LTBP1: variants seen among roughly 807,000 people sequenced by gnomAD.
LTBP1 encodes the protein latent transforming growth factor beta binding protein 1.
In LTBP1, 129 loss-of-function variants were observed where a neutral mutation model predicts 207.6. The observed-to-expected ratio is 0.62, with a 90% CI of 0.54 to 0.72. The LOEUF (loss-of-function observed/expected upper bound fraction) is 0.72. Ranked by LOEUF, LTBP1 falls within the 30% of genes least tolerant of loss-of-function variation. The probability of loss-of-function intolerance (pLI) is 0.00; values close to 1 mark genes in which losing one functional copy is unlikely to be tolerated. For missense variants in LTBP1, 2,281 were observed against 2,217.2 expected, an observed-to-expected ratio of 1.03 and a Z score of -0.58; for synonymous variants, 963 against 833.7, an observed-to-expected ratio of 1.16 and a Z score of -2.67.
At chr2:33,055,848 G>A (rs2076969381) in intron 3 of LTBP1, among the ~76,000 whole-genome samples, 2 of 152,172 alleles carry the variant, frequency 1.3e-5, no homozygotes, top group South Asian at 2.1e-4. Context: ...CATAGCCCGT[G>A]GGTTTTTGTG....
At chr2:33,311,535 G>GA (rs11450471) in intron 23 of LTBP1, among the ~76,000 whole-genome samples, 71,656 of 138,212 alleles carry the variant, frequency 0.52, 18,472 homozygotes, top group East Asian at 0.83. Context: ...CCAAGAGATG[G>GA]AAAAAAAAAA....
At chr2:33,224,102 A>T (rs528078929) in intron 9 of LTBP1, among the ~76,000 whole-genome samples, 1 of 152,160 alleles carries the variant, frequency 6.6e-6, no homozygotes, top group Non-Finnish European at 1.5e-5. Context: ...TGGGCCATCT[A>T]ACCTTATATG....
intron 5 of LTBP1, among the ~76,000 whole-genome samples, chr2:33,142,218 AT>A (rs1261351183): frequency 6.1e-5 from 9 of 148,448 alleles, no homozygotes; most frequent in East Asian, 4.0e-4. Context: ...CGCCCGGCTA[AT>A]TTTTTTTTTG....
At chr2:33,020,760 G>A (rs966924956) in intron 2 of LTBP1, 149 bp from the exon 3 acceptor site, 34 of 685,034 alleles carry the variant, frequency 5.0e-5, no homozygotes, top group South Asian at 1.3e-4. Flanking sequence ...CCCCTCCTCC[G>A]CCCAACTGCC....
chr2:33,243,954 TC>T (rs1316564641), intron 10 of LTBP1, among the ~76,000 whole-genome samples, 170 bp downstream of exon 10: 1 of 152,158 alleles, frequency 6.6e-6, no homozygotes. Flanking sequence ...TAAATTGATA[TC>T]ATGGAACCTT....
At chr2:33,111,880 A>G (rs142078224) in intron 4 of LTBP1, among the ~76,000 whole-genome samples, 8 of 152,262 alleles carry the variant, frequency 5.3e-5, no homozygotes, top group African/African-American at 1.4e-4. Context: ...ATTAGGAAAA[A>G]ATCACTTCCA....
intron 7 of LTBP1, among the ~76,000 whole-genome samples, chr2:33,195,698 T>C (rs888016107): frequency 2.6e-5 from 4 of 152,202 alleles, no homozygotes; most frequent in African/African-American, 9.7e-5. Context: ...ATAAATTTAA[T>C]TGATAAAGCA....
chr2:33,024,713 A>G (rs192797376), intron 3 of LTBP1, among the ~76,000 whole-genome samples: 1 of 152,202 alleles, frequency 6.6e-6, no homozygotes, highest in African/African-American at 2.4e-5. Context: ...TTGGATTCAG[A>G]TACATACAAC....
intron 31 of LTBP1, among the ~76,000 whole-genome samples, chr2:33,369,035 TA>T (rs1388886161): frequency 6.6e-6 from 1 of 152,182 alleles, no homozygotes; most frequent in Non-Finnish European, 1.5e-5. Flanking sequence ...ATATTTATTC[TA>T]AAAATATGGA....
intron 24 of LTBP1, among the ~76,000 whole-genome samples, chr2:33,322,097 A>G (rs990461915): frequency 2.0e-5 from 3 of 151,376 alleles, no homozygotes; most frequent in African/African-American, 2.4e-5. Flanking sequence ...AAAGAAATTC[A>G]TAATAGTAGC....
chr2:33,260,657 C>T (rs2092986069), intron 13 of LTBP1, among the ~76,000 whole-genome samples: 2 of 152,044 alleles, frequency 1.3e-5, no homozygotes, highest in African/African-American at 4.8e-5. Context: ...TATTTTGAGA[C>T]CAAAAAATGT....
chr2:33,179,762 G>T (rs958584341), intron 5 of LTBP1, among the ~76,000 whole-genome samples: 18 of 152,146 alleles, frequency 1.2e-4, no homozygotes, highest in Admixed American at 1.0e-3. Context: ...TCCAATAGAA[G>T]ATCCTGTAGC....
chr2:33,363,247 A>AGGTT, intron 28 of LTBP1, 143 bp from the exon 29 acceptor site: 1 of 738,486 alleles, frequency 1.4e-6, no homozygotes. Context: ...TATTTTAAGA[A>AGGTT]GGTTATATTG....
At chr2:33,053,318 T>C (rs569833889) in intron 3 of LTBP1, among the ~76,000 whole-genome samples, 2 of 152,298 alleles carry the variant, frequency 1.3e-5, no homozygotes, top group East Asian at 3.9e-4. Context: ...ACCAGAGTGG[T>C]ACATTTGCTA....
chr2:33,133,043 G>A (rs949995131), intron 4 of LTBP1, among the ~76,000 whole-genome samples: 3 of 152,086 alleles, frequency 2.0e-5, no homozygotes, highest in African/African-American at 7.2e-5. Context: ...TGAGCTGCCC[G>A]TCACTAGAGA....
rs186875281 is a variant in LTBP1, at chr2:33,087,302, A to G, written c.864-23280A>G. 7.2e-5 allele frequency among the ~76,000 whole-genome samples: 11 copies of G among 152,054 alleles called. No individual in the cohort carries two copies. In the East Asian group the frequency reaches 2.1e-3, roughly 29 times the overall value. ...AGGCTAATCTTGAACTCCTGGCCTC[A>G]AGGAATTCTTCTGCCTCCACCTCCC... On this transcript the variant is annotated intron_variant, in intron 3 of 33. Coordinates refer to ENST00000404816, the MANE Select transcript of LTBP1 (RefSeq NM_206943.4).
intron 24 of LTBP1, among the ~76,000 whole-genome samples, chr2:33,330,399 A>G (rs942765024): frequency 6.6e-6 from 1 of 151,886 alleles, no homozygotes; most frequent in Non-Finnish European, 1.5e-5. Context: ...CTCTACTGCA[A>G]TGTTGACTAG....
In LTBP1 at chr2:33,254,556, T is replaced by TTG. The variant is rs1323126343; in HGVS notation, c.2167+1713_2167+1714insGT. Among the ~76,000 whole-genome samples the TTG allele has an allele frequency of 6.9e-3, 1,025 of 149,136 alleles. 13 individuals carry two copies. Among genetic ancestry groups the TTG allele is most frequent in the African/African-American group, 0.022 (908 of 40,748 alleles). On this transcript the variant is annotated intron_variant, in intron 11 of 33. Coordinates refer to ENST00000404816, the MANE Select transcript of LTBP1 (RefSeq NM_206943.4). ...GTTAATTCTTTAAACTTGGTTTTTT[T>TTG]TTTTTTTTTTTTAGGGAGTTTGTTG...
intron 2 of LTBP1, among the ~76,000 whole-genome samples, chr2:33,011,948 C>T (rs1389322665): frequency 1.3e-5 from 2 of 152,066 alleles, no homozygotes. Flanking sequence ...GATTTCAGGT[C>T]TCCTGGTTAA....
Sources: gnomAD v4.1 joint callset for allele counts (sites outside exome capture counted in the v4.1 genomes callset) on GRCh38, gnomAD v4.1.1 for gene constraint, MANE v1.5 for transcripts, NCBI Gene and HGNC (gene_info 2026-07-23, HGNC 2026-07-21) for gene names.